RBFOX1: variants seen among roughly 807,000 people sequenced by gnomAD.
RBFOX1 encodes RNA binding protein fox-1 homolog 1.
RBFOX1 carries 8 observed loss-of-function variants against 57.7 expected under a neutral mutation model. That is an observed-to-expected ratio of 0.14 (90% confidence interval 0.08 to 0.25). The LOEUF (loss-of-function observed/expected upper bound fraction) is 0.25, where lower values mean the gene tolerates loss of function less well. Among genes scored for constraint, RBFOX1 ranks in the 10% least tolerant of loss-of-function variants. RBFOX1 has a pLI of 1.00. For missense variants in RBFOX1, 611 were observed against 548.5 expected (o/e 1.11, Z -1.14); for synonymous variants, 326 against 222.4 (o/e 1.47, Z -4.15).
intron 4 of RBFOX1, among the ~76,000 whole-genome samples, chr16:7,253,247 C>G (rs56217924): frequency 0.013 from 2,024 of 152,288 alleles, 42 homozygotes; most frequent in African/African-American, 0.047. Context: ...CACAGGTATT[C>G]TCCTGGGGGT....
chr16:5,467,164 T>G, intron 1 of RBFOX1: 2 of 1,407,168 alleles, frequency 1.4e-6, no homozygotes, highest in Non-Finnish European at 1.9e-6. Flanking sequence ...CAATGTAGAC[T>G]CAATGTTTCT....
chr16:6,542,264 A>G (rs1034472369), intron 2 of RBFOX1, among the ~76,000 whole-genome samples: 3 of 151,950 alleles, frequency 2.0e-5, no homozygotes, highest in Non-Finnish European at 4.4e-5. Flanking sequence ...TCTATAAGCC[A>G]TTCCTGACCA....
At chr16:6,175,495 C>G (rs2096998397) in intron 1 of RBFOX1, among the ~76,000 whole-genome samples, 1 of 151,800 alleles carries the variant, frequency 6.6e-6, no homozygotes, top group Admixed American at 6.6e-5. Context: ...CCCGGTTTTT[C>G]TGTAGGTCGG....
chr16:6,358,103 G>T (rs1271308885), intron 2 of RBFOX1, among the ~76,000 whole-genome samples: 5 of 152,152 alleles, frequency 3.3e-5, no homozygotes, highest in Non-Finnish European at 7.3e-5. Context: ...CTCTGAGGCT[G>T]CCTGGATGTA....
chr16:5,418,385 G>A (rs1389752599), intron 1 of RBFOX1, among the ~76,000 whole-genome samples: 2 of 152,134 alleles, frequency 1.3e-5, no homozygotes, highest in East Asian at 1.9e-4. Flanking sequence ...GGGAAATACG[G>A]AGGACCGGGG....
chr16:5,597,945 C>G (rs9928301), intron 2 of RBFOX1, among the ~76,000 whole-genome samples: 27,482 of 151,934 alleles, frequency 0.18, 2,755 homozygotes, highest in Non-Finnish European at 0.21. Flanking sequence ...TGAGACGGGG[C>G]TGAGGTTAAG....
rs151214012 is a variant in RBFOX1, at chr16:7,518,261, C to T, written c.142C>T (p.Pro48Ser). The T allele has an allele frequency of 9.1e-4, 1,473 of 1,614,040 alleles. 2 individuals carry two copies. The highest frequency in any genetic ancestry group is 1.1e-3 in the Non-Finnish European group (1,257 of 1,180,034). Residue 48 changes from proline (P) to serine (S), a missense_variant, in exon 5 of 16, where the codon CCC (proline) becomes TCC (serine). Coordinates refer to ENST00000550418, the MANE Select transcript of RBFOX1 (RefSeq NM_018723.4). ...PAEYTAPHPH[P>S]APEYTGQTTV... ...GGAATACACGGCCCCTCATCCCCACCCCGCGCCAGAGTACACAGGCCAGAC... is the reference window on the plus strand; with the variant it reads ...GGAATACACGGCCCCTCATCCCCACTCCGCGCCAGAGTACACAGGCCAGAC...
chr16:7,117,560 A>G (rs1033703205), intron 4 of RBFOX1, among the ~76,000 whole-genome samples: 5 of 152,200 alleles, frequency 3.3e-5, no homozygotes, highest in Admixed American at 2.0e-4. Context: ...ACTTACCACA[A>G]TCTATAGTAC....
chr16:7,349,730 G>C (rs747269280), intron 4 of RBFOX1, among the ~76,000 whole-genome samples: 18 of 152,142 alleles, frequency 1.2e-4, no homozygotes, highest in Admixed American at 7.9e-4. Context: ...TCAACATTCA[G>C]TGTGTGCTAG....
intron 4 of RBFOX1, among the ~76,000 whole-genome samples, chr16:5,989,880 A>ACACCCACC (rs33912010): frequency 6.3e-5 from 8 of 127,210 alleles, no homozygotes; most frequent in Admixed American, 1.6e-4. Context: ...ACACACACAC[A>ACACCCACC]CCACCCCTGT....
intron 5 of RBFOX1, among the ~76,000 whole-genome samples, chr16:7,541,400 T>G (rs1444837242): frequency 6.6e-6 from 1 of 152,190 alleles, no homozygotes; most frequent in Non-Finnish European, 1.5e-5. Context: ...GATAGGAGAT[T>G]GCTCCTTTCT....
intron 4 of RBFOX1, among the ~76,000 whole-genome samples, chr16:7,366,688 A>G (rs1412126926): frequency 6.6e-6 from 1 of 151,372 alleles, no homozygotes; most frequent in Non-Finnish European, 1.5e-5. Context: ...TCAAGCCTGC[A>G]TTGTGCTAAG....
At chr16:6,887,246 C>G (rs914167541) in intron 3 of RBFOX1, among the ~76,000 whole-genome samples, 7 of 152,130 alleles carry the variant, frequency 4.6e-5, no homozygotes, top group African/African-American at 1.7e-4. Flanking sequence ...TAGTGATTAC[C>G]TGTATTTTGA....
At chr16:5,544,269 A>G (rs11076925) in intron 2 of RBFOX1, among the ~76,000 whole-genome samples, 43,791 of 152,168 alleles carry the variant, frequency 0.29, 7,022 homozygotes, top group Non-Finnish European at 0.36. Context: ...AATTGGCAAC[A>G]GAAGGAACTC....
chr16:6,271,094 G>C (rs1004502372), intron 1 of RBFOX1, among the ~76,000 whole-genome samples: 1 of 152,132 alleles, frequency 6.6e-6, no homozygotes, highest in Non-Finnish European at 1.5e-5. Context: ...AAGAGGAAAA[G>C]CTTCAAATCA....
chr16:7,382,665 C>T (rs1394700284), intron 4 of RBFOX1, among the ~76,000 whole-genome samples: 2 of 152,278 alleles, frequency 1.3e-5, no homozygotes, highest in East Asian at 3.9e-4. Flanking sequence ...AATCTGTGTC[C>T]ATCCTGGATT....
At chr16:6,534,707 G>A (rs2096711760) in intron 2 of RBFOX1, among the ~76,000 whole-genome samples, 1 of 152,076 alleles carries the variant, frequency 6.6e-6, no homozygotes, top group South Asian at 2.1e-4. Context: ...TTTTCTGCTG[G>A]GGGAGAAGCA....
intron 3 of RBFOX1, among the ~76,000 whole-genome samples, chr16:5,803,224 G>C (rs866171892): frequency 6.6e-6 from 1 of 152,276 alleles, no homozygotes; most frequent in Middle Eastern, 3.4e-3. Context: ...TACCCCGTGA[G>C]TATGTCAGCA....
chr16:6,788,799 C>G (rs922150939), intron 3 of RBFOX1, among the ~76,000 whole-genome samples: 15 of 152,004 alleles, frequency 9.9e-5, no homozygotes, highest in African/African-American at 3.6e-4. Flanking sequence ...CTGAGGATGC[C>G]TCTGTGATGT....
Sources: allele counts gnomAD v4.1 joint callset (sites outside exome capture counted in the v4.1 genomes callset), GRCh38; gene constraint gnomAD v4.1.1; transcripts MANE v1.5; gene names NCBI Gene and HGNC (gene_info 2026-07-23, HGNC 2026-07-21).